Variants in ENPP2 observed in about 807,000 individuals in gnomAD.
ENPP2 encodes autotaxin.
A neutral mutation model predicts 120.2 loss-of-function variants in ENPP2; 51 were observed. The observed-to-expected ratio is 0.42, with a 90% CI of 0.34 to 0.54. The LOEUF (loss-of-function observed/expected upper bound fraction) is 0.54, where lower values mean the gene tolerates loss of function less well. ENPP2 is among the 20% of genes least tolerant of loss of function. The pLI is 0.04. For synonymous variants in ENPP2, 365 were observed against 366.4 expected (o/e 1.00, Z 0.04); for missense variants, 920 against 1,066.5 (o/e 0.86, Z 1.91).
In ENPP2 at chr8:119,593,846, C is replaced by T. The variant is rs1370646614; in HGVS notation, c.987G>A (p.Leu329=). 1.9e-6 allele frequency: 3 copies of T among 1,607,360 alleles called. No individual in the cohort carries two copies. The highest frequency in any genetic ancestry group is 2.6e-6 in the Non-Finnish European group (3 of 1,173,836). The change falls in exon 12 of 25, where the codon CTG becomes CTA. Residue 329 remains leucine, a synonymous_variant. Transcript: ENST00000075322. ...GCCCCACAATTTTGTCGATTTCCCT[C>T]AGAGGATTTGTCATCTAGGAAAAAG... ...GPFGPEMTNP[L]REIDKIVGQL...
At chr8:119,652,214 G>A (rs1245422475) in intron 1 of ENPP2, among the ~76,000 whole-genome samples, 1 of 151,828 alleles carries the variant, frequency 6.6e-6, no homozygotes, top group Non-Finnish European at 1.5e-5. Flanking sequence ...GTCTCTGTGG[G>A]GTCTTTTATA....
intron 1 of ENPP2, among the ~76,000 whole-genome samples, chr8:119,659,871 G>A (rs943576142): frequency 3.3e-5 from 5 of 152,062 alleles, no homozygotes; most frequent in African/African-American, 1.2e-4. Flanking sequence ...TAATCAATCT[G>A]GAGTCACTGG....
chr8:119,605,467 T>TGTGTGTGTGTG (rs1209460755), intron 9 of ENPP2, among the ~76,000 whole-genome samples: 13 of 142,392 alleles, frequency 9.1e-5, no homozygotes, highest in African/African-American at 1.6e-4. Context: ...TGTGTGTGTA[T>TGTGTGTGTGTG]TTTTTTTTTT....
intron 1 of ENPP2, among the ~76,000 whole-genome samples, chr8:119,652,557 A>AT (rs1177455408): frequency 2.0e-5 from 3 of 152,168 alleles, no homozygotes; most frequent in African/African-American, 4.8e-5. Flanking sequence ...CAGAATTGAG[A>AT]TCCCTCTTCC....
rs750758609 is a variant in ENPP2 at position 119,570,828 on chromosome 8, G to A, written c.1794C>T (p.Leu598=). ...GATAAAGCACTGCAGGTCGCCCATAGAGGAGGTGTCTCTCTAAAAAAGAAA... is the reference window on the plus strand; with the variant it reads ...GATAAAGCACTGCAGGTCGCCCATAAAGGAGGTGTCTCTCTAAAAAAGAAA... ...TKGSTEERHL[L]YGRPAVLYRT... Residue 598 remains leucine (L), a synonymous_variant, in exon 20 of 25, where the codon CTC becomes CTT. Transcript: ENST00000075322. 9 of 1,557,524 alleles carry A rather than the reference G, an allele frequency of 5.8e-6. No individual in the cohort carries two copies. The highest frequency in any genetic ancestry group is 3.4e-4 in the Middle Eastern group (2 of 5,924).
intron 24 of ENPP2, among the ~76,000 whole-genome samples, chr8:119,560,875 G>A (rs1313501943): frequency 1.3e-5 from 2 of 151,480 alleles, no homozygotes; most frequent in African/African-American, 4.9e-5. Flanking sequence ...TTAACAAAAA[G>A]GCAGGGGAGA....
chr8:119,589,370 C>T (rs951756345), intron 13 of ENPP2, among the ~76,000 whole-genome samples: 13 of 152,062 alleles, frequency 8.5e-5, no homozygotes, highest in Admixed American at 4.6e-4. Context: ...TTGTAAAGTA[C>T]AAAAATTTTT....
At chr8:119,644,509 C>A (rs911870362) in intron 1 of ENPP2, among the ~76,000 whole-genome samples, 1 of 147,874 alleles carries the variant, frequency 6.8e-6, no homozygotes. Context: ...TTTGCTAACA[C>A]CCTAGAATTA....
At chr8:119,654,147 A>G (rs1817702887) in intron 1 of ENPP2, among the ~76,000 whole-genome samples, 1 of 142,676 alleles carries the variant, frequency 7.0e-6, no homozygotes, top group South Asian at 2.1e-4. Flanking sequence ...GATATAATAT[A>G]TAAGTATCTA....
At chr8:119,605,063 G>T (rs898593993) in intron 9 of ENPP2, among the ~76,000 whole-genome samples, 1 of 151,762 alleles carries the variant, frequency 6.6e-6, no homozygotes, top group African/African-American at 2.4e-5. Flanking sequence ...TTGAGCCACT[G>T]CACCCGGCCT....
upstream of ENPP2, among the ~76,000 whole-genome samples, chr8:119,640,601 G>A (rs560586683): frequency 6.6e-6 from 1 of 152,326 alleles, no homozygotes; most frequent in South Asian, 2.1e-4. Context: ...TAGGGTTCAG[G>A]AGCTGAACAT....
At chr8:119,638,282 G>A (rs1817126810) in intron 2 of ENPP2, 143 bp downstream of exon 2, 1 of 573,228 alleles carries the variant, frequency 1.7e-6, no homozygotes, top group Non-Finnish European at 3.1e-6. Context: ...ATACACATAG[G>A]TGGTTTTACC....
At chr8:119,621,594 T>C (rs1268209832) in intron 3 of ENPP2, 75 bp from the exon 4 acceptor site, 1 of 1,513,330 alleles carries the variant, frequency 6.6e-7, no homozygotes, top group Non-Finnish European at 9.1e-7. Flanking sequence ...GCTTACAGGA[T>C]TTCCAATGAA....
chr8:119,614,179 C>T (rs1261744239), intron 8 of ENPP2, among the ~76,000 whole-genome samples: 1 of 151,020 alleles, frequency 6.6e-6, no homozygotes, highest in African/African-American at 2.4e-5. Flanking sequence ...AATTTTCCTG[C>T]CTCAGCCTCC....
intron 9 of ENPP2, among the ~76,000 whole-genome samples, chr8:119,602,224 G>T (rs568358848): frequency 2.0e-5 from 3 of 152,088 alleles, no homozygotes; most frequent in African/African-American, 7.2e-5. Flanking sequence ...TTGGGAAGCC[G>T]AGGCAGGCAG....
At position 119,569,129 on chromosome 8, in the gene ENPP2, G is replaced by A. The variant is rs1814736064; in HGVS notation, c.2053+106C>T. The A allele has an allele frequency of 1.8e-5, 19 of 1,080,532 alleles. No homozygotes were observed. The South Asian group carries it at 2.6e-4, about 15-fold the overall frequency. The allele number at this position is 1,080,532 out of a possible 1,614,324, so 66.9% of individuals were successfully genotyped here. On this transcript the variant is annotated intron_variant, in intron 21 of 24. Transcript: ENST00000075322. ...TAAAAATTCATTTAGATAATCTTCT[G>A]AGCACCCTCTCTTGAAGAAAACCCA...
intron 8 of ENPP2, among the ~76,000 whole-genome samples, chr8:119,611,851 C>T (rs987796959): frequency 5.9e-5 from 9 of 151,994 alleles, no homozygotes; most frequent in African/African-American, 1.9e-4. Flanking sequence ...CATAGTGAAA[C>T]GCCACTCTAC....
rs562214618 is a variant in ENPP2, at chr8:119,644,886, C to T, written c.22-6359G>A. Reference sequence around the variant, plus strand: ...TGTCCAGATGAATGGAGAAAATTTCCCCTTTCAGAAGGGCTGAGTCGCTAG... The same window carrying T: ...TGTCCAGATGAATGGAGAAAATTTCTCCTTTCAGAAGGGCTGAGTCGCTAG... On this transcript the variant is annotated intron_variant, in intron 1 of 25. Transcript: ENST00000427067. 5.7e-4 allele frequency among the ~76,000 whole-genome samples: 86 copies of T among 151,900 alleles called. 1 individual carries two copies. In the South Asian group the frequency reaches 0.017, roughly 30 times the overall value.
chr8:119,567,201 G>T (rs1439372833), intron 22 of ENPP2, among the ~76,000 whole-genome samples: 1 of 152,170 alleles, frequency 6.6e-6, no homozygotes, highest in African/African-American at 2.4e-5. Context: ...GTACTGAAAG[G>T]TGGTAAAAGC....
Sources: gnomAD v4.1 joint callset for allele counts (sites outside exome capture counted in the v4.1 genomes callset) on GRCh38, gnomAD v4.1.1 for gene constraint, MANE v1.5 for transcripts, NCBI Gene and HGNC (gene_info 2026-07-23, HGNC 2026-07-21) for gene names.